The following HECW2 variants were observed in gnomAD, a reference collection of about 807,000 sequenced individuals.
The protein encoded by HECW2 is HECT, C2 and WW domain containing E3 ubiquitin protein ligase 2.
Under a neutral mutation model 175.2 loss-of-function variants are expected in HECW2, and 61 were observed. The observed-to-expected ratio is 0.35, with a 90% CI of 0.28 to 0.43. The LOEUF is 0.43. Ranked by LOEUF, HECW2 falls within the 20% of genes least tolerant of loss-of-function variation. HECW2 has a pLI of 1.00. For synonymous variants in HECW2, 671 were observed against 731.0 expected, an observed-to-expected ratio of 0.92 and a Z score of 1.32; for missense variants, 1,524 against 2,000.5, an observed-to-expected ratio of 0.76 and a Z score of 4.54.
chr2:196,546,803 A>G (rs1406502965), intron 1 of HECW2, among the ~76,000 whole-genome samples: 1 of 151,214 alleles, frequency 6.6e-6, no homozygotes, highest in Non-Finnish European at 1.5e-5. Context: ...GAGACCTGTC[A>G]TATAGGAGAA....
At chr2:196,495,494 G>A (rs1687358720) in intron 1 of HECW2, among the ~76,000 whole-genome samples, 1 of 152,156 alleles carries the variant, frequency 6.6e-6, no homozygotes. Context: ...GTGATGAGTG[G>A]TCAGAGAAAG....
chr2:196,590,835 T>G (rs1041316766), intron 1 of HECW2, among the ~76,000 whole-genome samples: 2 of 152,148 alleles, frequency 1.3e-5, no homozygotes, highest in African/African-American at 2.4e-5. Context: ...AGTAAGAAAA[T>G]ATAGGTTTTT....
chr2:196,472,124 G>C (rs1361948835), intron 1 of HECW2, among the ~76,000 whole-genome samples: 1 of 150,138 alleles, frequency 6.7e-6, no homozygotes, highest in African/African-American at 2.4e-5. Context: ...TTTAGAGGGC[G>C]AAAAAAAAAT....
rs561965418 is a variant in HECW2 at position 196,216,052 on chromosome 2, G to C, written c.4495-75C>G. On this transcript the variant is annotated intron_variant, in intron 27 of 28. Coordinates refer to ENST00000644978, the MANE Select transcript of HECW2 (RefSeq NM_001348768.2). ...CCAGGAAAGGCATCACGTCATTCAC[G>C]GGCAGAGCTCCTGAGGAAGAGCAGG... 32 of 981,486 alleles carry C rather than the reference G, an allele frequency of 3.3e-5. No individual in the cohort carries two copies. The East Asian group carries it at 6.7e-4, about 21-fold the overall frequency. 60.8% of individuals were successfully genotyped at this position (981,486 alleles called of 1,614,324 possible).
At chr2:196,571,621 G>A (rs1395422374) in intron 1 of HECW2, among the ~76,000 whole-genome samples, 1 of 151,984 alleles carries the variant, frequency 6.6e-6, no homozygotes, top group African/African-American at 2.4e-5. Context: ...AGGCACGAAA[G>A]GCATGGGAAG....
At chr2:196,552,956 C>T (rs184505753) in intron 1 of HECW2, among the ~76,000 whole-genome samples, 1 of 152,156 alleles carries the variant, frequency 6.6e-6, no homozygotes, top group Non-Finnish European at 1.5e-5. Flanking sequence ...CCATCCCACC[C>T]GAGGAAAAAT....
At chr2:196,587,795 G>A (rs1691039334) in intron 1 of HECW2, among the ~76,000 whole-genome samples, 1 of 152,110 alleles carries the variant, frequency 6.6e-6, no homozygotes, top group Admixed American at 6.5e-5. Flanking sequence ...AACATAAGGG[G>A]ATGTCTGCTG....
chr2:196,231,303 T>C (rs1408259081), intron 21 of HECW2, among the ~76,000 whole-genome samples: 2 of 152,126 alleles, frequency 1.3e-5, no homozygotes, highest in Non-Finnish European at 2.9e-5. Flanking sequence ...ACATGAAAAC[T>C]GCAAATGGAA....
chr2:196,566,778 C>T (rs930256060), intron 1 of HECW2, among the ~76,000 whole-genome samples: 3 of 149,252 alleles, frequency 2.0e-5, no homozygotes, highest in Non-Finnish European at 4.4e-5. Context: ...GTCTCAAACT[C>T]CTGGCCTCAA....
At chr2:196,385,467 C>G (rs988134859) in intron 2 of HECW2, among the ~76,000 whole-genome samples, 4 of 152,148 alleles carry the variant, frequency 2.6e-5, no homozygotes, top group African/African-American at 9.7e-5. Context: ...GTATCATTGG[C>G]CATCCCTCTC....
intron 1 of HECW2, among the ~76,000 whole-genome samples, chr2:196,531,570 G>A (rs1172956826): frequency 6.6e-6 from 1 of 151,726 alleles, no homozygotes; most frequent in African/African-American, 2.4e-5. Flanking sequence ...GCTGAGGCAG[G>A]AGAATCACTT....
chr2:196,359,278 T>G (rs2105878182), intron 2 of HECW2, among the ~76,000 whole-genome samples: 1 of 152,234 alleles, frequency 6.6e-6, no homozygotes, highest in Non-Finnish European at 1.5e-5. Context: ...TGAAATCCTG[T>G]TTCTACTGAA....
At chr2:196,357,830 C>A (rs1482946793) in intron 2 of HECW2, among the ~76,000 whole-genome samples, 1 of 152,188 alleles carries the variant, frequency 6.6e-6, no homozygotes, top group Non-Finnish European at 1.5e-5. Context: ...AAGGTACCTG[C>A]TTCCCCTTCA....
At chr2:196,367,854 TTGTGTG>T (rs59971469) in intron 2 of HECW2, among the ~76,000 whole-genome samples, 23 of 130,232 alleles carry the variant, frequency 1.8e-4, no homozygotes, top group East Asian at 4.1e-4. Flanking sequence ...TAGTACTCCA[TTGTGTG>T]TGTGTGTGTG....
chr2:196,256,686 CAAACCATGATAG>C (rs143570312), intron 18 of HECW2, among the ~76,000 whole-genome samples: 100 of 152,228 alleles, frequency 6.6e-4, no homozygotes, highest in African/African-American at 2.1e-3. Flanking sequence ...TATCACCAAC[CAAACCATGATAG>C]AAACATCACA....
chr2:196,379,763 A>G (rs1694157769), intron 2 of HECW2, among the ~76,000 whole-genome samples: 1 of 152,006 alleles, frequency 6.6e-6, no homozygotes, highest in African/African-American at 2.4e-5. Flanking sequence ...CAATAAAACA[A>G]TAAAAGAGAC....
At chr2:196,270,158 A>C (rs1363763315) in intron 17 of HECW2, among the ~76,000 whole-genome samples, 1 of 152,114 alleles carries the variant, frequency 6.6e-6, no homozygotes, top group Admixed American at 6.5e-5. Context: ...AAAGATTTTC[A>C]GCAGAAACTC....
intron 1 of HECW2, among the ~76,000 whole-genome samples, chr2:196,553,744 C>A (rs939119654): frequency 1.3e-5 from 2 of 152,192 alleles, no homozygotes; most frequent in African/African-American, 4.8e-5. Context: ...AAGAAAGCTT[C>A]TTATAGAATT....
At chr2:196,504,053 T>C (rs557389376) in intron 1 of HECW2, among the ~76,000 whole-genome samples, 1 of 152,108 alleles carries the variant, frequency 6.6e-6, no homozygotes, top group East Asian at 1.9e-4. Context: ...CCCAGCACTT[T>C]GGGAGGCCGA....
Sources: allele counts gnomAD v4.1 joint callset (sites outside exome capture counted in the v4.1 genomes callset), GRCh38; gene constraint gnomAD v4.1.1; transcripts MANE v1.5; gene names NCBI Gene and HGNC (gene_info 2026-07-23, HGNC 2026-07-21).